TMC2: variants seen among roughly 807,000 people sequenced by gnomAD.
The protein encoded by TMC2 is transmembrane channel-like protein 2.
A neutral mutation model predicts 105.9 loss-of-function variants in TMC2; 102 were observed. The observed-to-expected ratio is 0.96, with a 90% CI of 0.82 to 1.14. The LOEUF is 1.14. Among genes scored for constraint, TMC2 ranks in the 50% most tolerant of loss-of-function variants. The pLI, the probability that TMC2 is intolerant of heterozygous loss-of-function variation, is 0.00. For missense variants in TMC2, 1,093 were observed against 1,134.3 expected (o/e 0.96, Z 0.52); for synonymous variants, 402 against 422.8 (o/e 0.95, Z 0.60).
chr20:2,548,553 G>T (rs1010297713), intron 2 of TMC2, among the ~76,000 whole-genome samples: 3 of 151,756 alleles, frequency 2.0e-5, no homozygotes, highest in Non-Finnish European at 4.4e-5. Flanking sequence ...CAGGAGAATT[G>T]CTTGAACCCA....
chr20:2,538,436 A>G (rs2085866124), intron 2 of TMC2, among the ~76,000 whole-genome samples: 1 of 152,174 alleles, frequency 6.6e-6, no homozygotes, highest in African/African-American at 2.4e-5. Flanking sequence ...CAGGGTGGCC[A>G]GACGAGAAAC....
chr20:2,594,829 A>G lies in TMC2; in HGVS notation c.938A>G (p.Tyr313Cys). 1 of 1,614,040 alleles carries G rather than the reference A, an allele frequency of 6.2e-7. No individual in the cohort carries two copies. The highest frequency in any genetic ancestry group is 1.1e-5 in the South Asian group (1 of 91,070). ...DFSVLWDFEG[Y>C]IKYSALFYGY... ...TTTGGCTTTGCTGTCCCCCAGGGCTATATCAAGTACTCTGCACTCTTCTAT... is the reference window on the plus strand; with the variant it reads ...TTTGGCTTTGCTGTCCCCCAGGGCTGTATCAAGTACTCTGCACTCTTCTAT... Residue 313 changes from tyrosine to cysteine, a missense_variant, in exon 9 of 20, where the codon TAT becomes TGT. By Grantham distance (194) the Tyr-to-Cys change is radical. Transcript: ENST00000358864.
rs1600090369 is a variant in TMC2, at chr20:2,537,177, A to T, written c.35-92A>T. 7.6e-6 allele frequency: 9 copies of T among 1,191,080 alleles called. No homozygotes were observed. In the East Asian group the frequency reaches 2.3e-4, roughly 30 times the overall value. 73.8% of individuals were successfully genotyped at this position (1,191,080 alleles called of 1,614,324 possible). On this transcript the variant is annotated intron_variant, in intron 1 of 19. Coordinates refer to ENST00000358864, the MANE Select transcript of TMC2 (RefSeq NM_080751.3). ...TGGGTCCCAGTTTGAGGCAGCCACAAATCAGCTGAGGGGTCCCACAGTGAC... is the reference window on the plus strand; with the variant it reads ...TGGGTCCCAGTTTGAGGCAGCCACATATCAGCTGAGGGGTCCCACAGTGAC...
intron 2 of TMC2, among the ~76,000 whole-genome samples, chr20:2,553,523 T>C (rs1176348156): frequency 8.1e-6 from 1 of 123,406 alleles, no homozygotes; most frequent in Non-Finnish European, 1.8e-5. Flanking sequence ...TCTATGTTTA[T>C]AAGAGATACA....
At chr20:2,610,901 A>T (rs2146236971) in intron 12 of TMC2, among the ~76,000 whole-genome samples, 1 of 152,278 alleles carries the variant, frequency 6.6e-6, no homozygotes, top group Non-Finnish European at 1.5e-5. Context: ...GCCATAAATG[A>T]TTAACAGCCA....
intron 19 of TMC2, 82 bp from the exon 20 acceptor site, chr20:2,641,052 C>A: frequency 8.1e-7 from 1 of 1,235,574 alleles, no homozygotes; most frequent in African/African-American, 1.5e-5. Context: ...CCTACACACA[C>A]CGCAGGGCGA....
At chr20:2,597,896 C>T (rs2086320426) in intron 10 of TMC2, among the ~76,000 whole-genome samples, 1 of 152,062 alleles carries the variant, frequency 6.6e-6, no homozygotes, top group South Asian at 2.1e-4. Context: ...TGGAAGGACT[C>T]ATTTGGGGAA....
chr20:2,557,865 G>A (rs2085994308), intron 2 of TMC2, among the ~76,000 whole-genome samples: 1 of 152,192 alleles, frequency 6.6e-6, no homozygotes, highest in Admixed American at 6.5e-5. Context: ...CAGAATAGGT[G>A]GCCTTTGGAC....
chr20:2,631,670 TTCTC>T (rs1438677364), intron 17 of TMC2, among the ~76,000 whole-genome samples: 1 of 151,320 alleles, frequency 6.6e-6, no homozygotes, highest in Non-Finnish European at 1.5e-5. Context: ...GATTATTTGT[TTCTC>T]TCTTTCTGGA....
intron 11 of TMC2, among the ~76,000 whole-genome samples, chr20:2,609,800 T>TTGCAATTTG (rs1338144821): frequency 6.6e-6 from 1 of 152,120 alleles, no homozygotes; most frequent in Non-Finnish European, 1.5e-5. Flanking sequence ...GTTGACCAAC[T>TTGCAATTTG]TGCAATTTGC....
At chr20:2,627,907 C>T (rs145454486) in intron 17 of TMC2, among the ~76,000 whole-genome samples, 3,564 of 152,280 alleles carry the variant, frequency 0.023, 133 homozygotes, top group African/African-American at 0.081. Context: ...GTGGCTCACA[C>T]CTGTAATCCC....
intron 3 of TMC2, among the ~76,000 whole-genome samples, chr20:2,560,750 T>A (rs545624252): frequency 1.3e-5 from 2 of 149,710 alleles, no homozygotes; most frequent in Non-Finnish European, 3.0e-5. Flanking sequence ...GGTGGGAGAA[T>A]GGCGTGAACC....
rs2086493980 is a variant in TMC2, at chr20:2,617,571, T to G, written c.2180+260T>G. 6 of 508,346 alleles carry G rather than the reference T, an allele frequency of 1.2e-5. No homozygotes were observed. In the East Asian group the frequency reaches 2.1e-4, roughly 18 times the overall value. 31.5% of individuals were successfully genotyped at this position (508,346 alleles called of 1,614,324 possible). A position where few individuals can be genotyped will look rare whatever the true frequency, so the allele number is the denominator to read the frequency against. On this transcript the variant is annotated intron_variant, in intron 16 of 19. Coordinates refer to ENST00000358864, the MANE Select transcript of TMC2 (RefSeq NM_080751.3). ...GAAATGAGGAACTGAGAAAATTAAT[T>G]TCTCATGTATTTTTCTCATTTATTT...
At chr20:2,604,577 GT>G (rs554784919) in intron 11 of TMC2, among the ~76,000 whole-genome samples, 2 of 151,226 alleles carry the variant, frequency 1.3e-5, no homozygotes, top group Non-Finnish European at 1.5e-5. Flanking sequence ...AGTGATCAGT[GT>G]TTTTTTTTGT....
chr20:2,641,589 A>C lies in TMC2; in HGVS notation c.*238A>C. The C allele has an allele frequency of 2.0e-6, 1 of 506,168 alleles. No individual in the cohort carries two copies. Among genetic ancestry groups the C allele is most frequent in the South Asian group, 2.6e-5 (1 of 38,190 alleles). 31.4% of individuals were successfully genotyped at this position (506,168 alleles called of 1,614,324 possible). On this transcript the variant is annotated 3_prime_UTR_variant, in exon 20 of 20. Transcript: ENST00000358864. ...ATCTCTGCACTAACTGCCCTCCCAA[A>C]TATCTTGGTTCAGACAGCTCTGAAC... is the stretch of plus-strand genomic sequence containing the variant.
chr20:2,573,626 C>T (rs1227091129), intron 5 of TMC2, among the ~76,000 whole-genome samples: 1 of 146,534 alleles, frequency 6.8e-6, no homozygotes, highest in South Asian at 2.2e-4. Flanking sequence ...GGTGGCGCGA[C>T]CTCGGCTCAC....
At chr20:2,575,186 A>G (rs941639921) in intron 5 of TMC2, among the ~76,000 whole-genome samples, 15 of 151,602 alleles carry the variant, frequency 9.9e-5, no homozygotes, top group African/African-American at 3.7e-4. Flanking sequence ...GTGCTGTTCA[A>G]GTATATTTTT....
intron 2 of TMC2, among the ~76,000 whole-genome samples, chr20:2,553,666 C>G (rs192118988): frequency 3.4e-4 from 52 of 152,228 alleles, no homozygotes; most frequent in African/African-American, 1.2e-3. Flanking sequence ...AAACATTTGA[C>G]AAAATCACCA....
intron 5 of TMC2, among the ~76,000 whole-genome samples, chr20:2,573,394 T>C (rs2122859234): frequency 6.6e-6 from 1 of 152,262 alleles, no homozygotes; most frequent in South Asian, 2.1e-4. Context: ...CATGTTTTAT[T>C]TCTGCACATT....
Sources: gnomAD v4.1 joint callset for allele counts (sites outside exome capture counted in the v4.1 genomes callset) on GRCh38, gnomAD v4.1.1 for gene constraint, MANE v1.5 for transcripts, NCBI Gene and HGNC (gene_info 2026-07-23, HGNC 2026-07-21) for gene names.